COL4A2: variants seen among roughly 807,000 people sequenced by gnomAD.
The protein encoded by COL4A2 is collagen type IV alpha 2 chain.
Under a neutral mutation model 200.2 loss-of-function variants are expected in COL4A2, and 99 were observed. That is an observed-to-expected ratio of 0.49 (90% CI 0.42 to 0.58). The LOEUF (loss-of-function observed/expected upper bound fraction) is 0.58, where lower values mean the gene tolerates loss of function less well. COL4A2 is among the 20% of genes least tolerant of loss of function. The probability of loss-of-function intolerance (pLI) is 0.00; values close to 1 mark genes in which losing one functional copy is unlikely to be tolerated. For synonymous variants in COL4A2, 897 were observed against 900.6 expected (o/e 1.00, Z 0.07); for missense variants, 1,950 against 2,314.1 (o/e 0.84, Z 3.23).
At chr13:110,418,125 C>G (rs1022725331) in intron 4 of COL4A2, among the ~76,000 whole-genome samples, 1 of 152,142 alleles carries the variant, frequency 6.6e-6, no homozygotes, top group Non-Finnish European at 1.5e-5. Flanking sequence ...ATTTGCTTTT[C>G]CCTAATGACC....
chr13:110,324,420 C>T (rs1037894746), intron 3 of COL4A2, among the ~76,000 whole-genome samples: 6 of 152,224 alleles, frequency 3.9e-5, no homozygotes, highest in African/African-American at 1.2e-4. Context: ...GAGGAAGGAG[C>T]TTGCCTGAGA....
intron 30 of COL4A2, among the ~76,000 whole-genome samples, chr13:110,479,338 G>C (rs1481544451): frequency 3.7e-5 from 1 of 27,042 alleles, no homozygotes; most frequent in Non-Finnish European, 8.3e-5. Context: ...CGGTGACCCA[G>C]AGGAGGCGGG....
At chr13:110,340,705 T>C (rs2139371131) in intron 3 of COL4A2, among the ~76,000 whole-genome samples, 1 of 152,290 alleles carries the variant, frequency 6.6e-6, no homozygotes, top group Middle Eastern at 3.4e-3. Flanking sequence ...CACAAAGAAC[T>C]GCACAGGGAC....
At position 110,432,309 on chromosome 13, in the gene COL4A2, C is replaced by T. The variant is rs56269522; in HGVS notation, c.649-16C>T. 2.1e-3 allele frequency: 3,396 copies of T among 1,600,714 alleles called. 56 individuals carry two copies. The African/African-American group carries it at 0.04, about 19-fold the overall frequency. On this transcript the variant is annotated splice_polypyrimidine_tract_variant and intron_variant, in intron 10 of 47. Coordinates refer to ENST00000360467, the MANE Select transcript of COL4A2 (RefSeq NM_001846.4). ...GGTAAAGAAAACCATTTACACATTT[C>T]TTTGTATTTGTACAGGGACCACCTG... is the stretch of plus-strand genomic sequence containing the variant.
chr13:110,392,885 C>A (rs1008292613), intron 4 of COL4A2, among the ~76,000 whole-genome samples: 1 of 152,214 alleles, frequency 6.6e-6, no homozygotes, highest in East Asian at 1.9e-4. Context: ...TGTATTAAGT[C>A]TGTAAGTTTA....
At chr13:110,411,064 T>G (rs151160680) in intron 4 of COL4A2, among the ~76,000 whole-genome samples, 127 of 152,248 alleles carry the variant, frequency 8.3e-4, no homozygotes, top group Middle Eastern at 3.4e-3. Context: ...TGCAGGGACT[T>G]CTACCACCGT....
At chr13:110,421,320 G>A (rs1479054055) in intron 4 of COL4A2, among the ~76,000 whole-genome samples, 3 of 152,160 alleles carry the variant, frequency 2.0e-5, no homozygotes, top group Admixed American at 6.5e-5. Flanking sequence ...TCACAGCAGC[G>A]CTATCCACAG....
At chr13:110,461,905 T>C in intron 22 of COL4A2, 2 of 640,742 alleles carry the variant, frequency 3.1e-6, no homozygotes, top group South Asian at 4.0e-5. Context: ...GCAGTTCCAG[T>C]GCTCCACAGC....
At chr13:110,424,414 AT>A (rs973227850) in intron 4 of COL4A2, among the ~76,000 whole-genome samples, 21 of 64,778 alleles carry the variant, frequency 3.2e-4, no homozygotes, top group Non-Finnish European at 6.1e-4. Flanking sequence ...CATTTGGAAA[AT>A]TTTTTATACT....
chr13:110,495,227 C>A, intron 39 of COL4A2, 115 bp from the exon 40 acceptor site: 1 of 1,243,600 alleles, frequency 8.0e-7, no homozygotes, highest in Non-Finnish European at 1.2e-6. Flanking sequence ...CTGAAATCAC[C>A]ATGGCTGCCT....
chr13:110,381,715 G>A (rs1878499952), intron 4 of COL4A2, among the ~76,000 whole-genome samples: 2 of 152,156 alleles, frequency 1.3e-5, no homozygotes, highest in South Asian at 2.1e-4. Flanking sequence ...CGCAGTCTGG[G>A]ATTGAATCTG....
intron 3 of COL4A2, among the ~76,000 whole-genome samples, chr13:110,337,342 T>C (rs1367203851): frequency 6.6e-6 from 1 of 152,248 alleles, no homozygotes; most frequent in Non-Finnish European, 1.5e-5. Flanking sequence ...TAAAATGGGC[T>C]TTCCTAACTA....
chr13:110,380,581 A>G (rs1326515991), intron 4 of COL4A2, among the ~76,000 whole-genome samples: 2 of 152,168 alleles, frequency 1.3e-5, no homozygotes, highest in Non-Finnish European at 1.5e-5. Flanking sequence ...TTTTCCATCA[A>G]TATTCGGGCA....
Position 110,485,449 on chromosome 13 carries a change from G to A in COL4A2, c.3026-206G>A, listed in dbSNP as rs952186001. On this transcript the variant is annotated intron_variant, in intron 33 of 47. Transcript: ENST00000360467. ...GAGGCAGGAGAATGGCGTGAACCGG[G>A]GAGGCAGAGCTTGTAGTGAGCCGAG... Among the ~76,000 whole-genome samples, 6 of 151,818 alleles carry A rather than the reference G, an allele frequency of 4.0e-5. No individual in the cohort carries two copies. The East Asian group carries it at 1.2e-3, about 29-fold the overall frequency.
chr13:110,469,412 A>G, intron 28 of COL4A2, 88 bp downstream of exon 28: 1 of 1,313,580 alleles, frequency 7.6e-7, no homozygotes. Context: ...ATTATCTTCC[A>G]CTTTGTAGAA....
chr13:110,486,815 T>C (rs1422100274), intron 34 of COL4A2, among the ~76,000 whole-genome samples: 1 of 152,114 alleles, frequency 6.6e-6, no homozygotes, highest in Non-Finnish European at 1.5e-5. Context: ...AGGGGAGCTT[T>C]TGAGCCAGGC....
At chr13:110,505,324 T>C (rs1022963223) in intron 45 of COL4A2, among the ~76,000 whole-genome samples, 4 of 151,270 alleles carry the variant, frequency 2.6e-5, no homozygotes, top group Admixed American at 2.6e-4. Context: ...CACTCCAGCC[T>C]GGGGGACAGA....
intron 3 of COL4A2, among the ~76,000 whole-genome samples, chr13:110,330,124 A>G (rs773653368): frequency 6.6e-6 from 1 of 152,198 alleles, no homozygotes; most frequent in Non-Finnish European, 1.5e-5. Flanking sequence ...TTTACCATTA[A>G]GGACTCAAGG....
At chr13:110,424,157 A>C (rs1353300329) in intron 4 of COL4A2, among the ~76,000 whole-genome samples, 1 of 152,120 alleles carries the variant, frequency 6.6e-6, no homozygotes, top group East Asian at 1.9e-4. Flanking sequence ...CCAGCAGCGC[A>C]CGGAGATTCT....
Sources: allele counts gnomAD v4.1 joint callset (sites outside exome capture counted in the v4.1 genomes callset), GRCh38; gene constraint gnomAD v4.1.1; transcripts MANE v1.5; gene names NCBI Gene and HGNC (gene_info 2026-07-23, HGNC 2026-07-21).